Variants in SLC30A4 observed in about 807,000 individuals in gnomAD.
SLC30A4 encodes the protein probable proton-coupled zinc antiporter SLC30A4.
Under a neutral mutation model 41.7 loss-of-function variants are expected in SLC30A4, and 20 were observed. The ratio of observed to expected loss-of-function variants is 0.48; its 90% confidence interval spans 0.34 to 0.70. The LOEUF is 0.70. SLC30A4 is among the 30% of genes least tolerant of loss of function. The probability of loss-of-function intolerance (pLI) is 0.01; values close to 1 mark genes in which losing one functional copy is unlikely to be tolerated. For missense variants in SLC30A4, 441 were observed against 529.3 expected, an observed-to-expected ratio of 0.83 and a Z score of 1.64; for synonymous variants, 181 against 195.9, an observed-to-expected ratio of 0.92 and a Z score of 0.64.
intron 3 of SLC30A4, among the ~76,000 whole-genome samples, chr15:45,504,334 T>C (rs549443682): frequency 6.6e-6 from 1 of 152,342 alleles, no homozygotes; most frequent in East Asian, 1.9e-4. Flanking sequence ...TTCAAAACTA[T>C]TCATAAGCAA....
At chr15:45,509,370 C>T (rs1270289735) in intron 3 of SLC30A4, among the ~76,000 whole-genome samples, 2 of 151,736 alleles carry the variant, frequency 1.3e-5, no homozygotes, top group Non-Finnish European at 2.9e-5. Flanking sequence ...TCTTCTGCCT[C>T]AGCTTCCTGA....
chr15:45,512,794 T>C (rs1329204586), intron 2 of SLC30A4, among the ~76,000 whole-genome samples: 9 of 152,200 alleles, frequency 5.9e-5, no homozygotes, highest in African/African-American at 1.7e-4. Context: ...TGTCCAATGG[T>C]GTAGCCACTA....
chr15:45,510,970 G>T (rs1892274697), intron 3 of SLC30A4, among the ~76,000 whole-genome samples, 168 bp downstream of exon 3: 1 of 152,146 alleles, frequency 6.6e-6, no homozygotes, highest in South Asian at 2.1e-4. Flanking sequence ...TAGCTGACTA[G>T]GCTAAATGTA....
chr15:45,501,794 C>T (rs1892039896), intron 3 of SLC30A4, among the ~76,000 whole-genome samples: 2 of 152,134 alleles, frequency 1.3e-5, no homozygotes, highest in African/African-American at 4.8e-5. Flanking sequence ...AGTGAGCCAC[C>T]ACACCTATCC....
intron 3 of SLC30A4, among the ~76,000 whole-genome samples, chr15:45,505,222 A>C (rs1251063823): frequency 6.0e-5 from 9 of 149,706 alleles, no homozygotes; most frequent in Non-Finnish European, 5.9e-5. Flanking sequence ...CAAGAGCAAA[A>C]CTCCATCTCA....
chr15:45,481,997 G>C lies in SLC30A4; in HGVS notation c.*3166C>G, dbSNP rs1891608166. 7.2e-6 allele frequency: 1 copy of C among 138,562 alleles called. No individual in the cohort carries two copies. The highest frequency in any genetic ancestry group is 2.4e-4 in the South Asian group (1 of 4,238). The allele number at this position is 138,562 out of a possible 1,614,324, so 8.6% of individuals were successfully genotyped here. On this transcript the variant is annotated 3_prime_UTR_variant, in exon 8 of 8. Coordinates refer to ENST00000261867, the MANE Select transcript of SLC30A4 (RefSeq NM_013309.6). ...GCACTTTGGGAGCCCGAGGTGGAAG[G>C]ATTTCTTGAGCCCAGGAGCTCAAGA...
chr15:45,494,888 G>A (rs1197454307), intron 3 of SLC30A4, among the ~76,000 whole-genome samples: 3 of 152,010 alleles, frequency 2.0e-5, no homozygotes, highest in African/African-American at 7.2e-5. Flanking sequence ...AAAGCACGTG[G>A]TGGCTCACAC....
chr15:45,496,816 T>C (rs1891914639), intron 3 of SLC30A4, among the ~76,000 whole-genome samples: 1 of 150,360 alleles, frequency 6.7e-6, no homozygotes, highest in South Asian at 2.1e-4. Context: ...GGAAACATGG[T>C]GAAATCCCAT....
In SLC30A4 at chr15:45,490,768, T is replaced by C; in HGVS notation, c.652A>G (p.Met218Val). The change falls in exon 4 of 8, where the codon ATG (methionine) becomes GTG (valine). Residue 218 changes from methionine (M) to valine (V), a missense_variant. Transcript: ENST00000261867. ...ACTCCAACAGCTGCGGTGATGAGCA[T>C]TATATCTCCATTTATTTCATAGTTC... The part of the protein sequence containing the change: ...HMNYEINGDI[M>V]LITAAVGVAV... 1 of 1,610,568 alleles carries C rather than the reference T, an allele frequency of 6.2e-7. No homozygotes were observed. Among genetic ancestry groups the C allele is most frequent in the Non-Finnish European group, 8.5e-7 (1 of 1,178,256 alleles).
intron 7 of SLC30A4, among the ~76,000 whole-genome samples, chr15:45,485,841 C>A (rs1029777151): frequency 9.9e-5 from 15 of 151,930 alleles, no homozygotes; most frequent in Admixed American, 3.9e-4. Context: ...CCTCAGCCTC[C>A]CGAGTAGCTG....
chr15:45,487,353 A>C (rs1001299635), intron 6 of SLC30A4, among the ~76,000 whole-genome samples, 174 bp downstream of exon 6: 17 of 152,190 alleles, frequency 1.1e-4, no homozygotes, highest in African/African-American at 3.9e-4. Context: ...AAATGGGTAA[A>C]AGATGGGAGA....
intron 3 of SLC30A4, among the ~76,000 whole-genome samples, chr15:45,500,146 G>A (rs1407479064): frequency 6.6e-6 from 1 of 152,130 alleles, no homozygotes; most frequent in Non-Finnish European, 1.5e-5. Context: ...AGAACGGTAG[G>A]CCATTTTGGA....
chr15:45,511,952 G>C (rs796894221), intron 2 of SLC30A4, among the ~76,000 whole-genome samples: 64 of 152,272 alleles, frequency 4.2e-4, no homozygotes, highest in African/African-American at 1.5e-3. Flanking sequence ...TTACAACAAA[G>C]CTGAAGAAAA....
intron 2 of SLC30A4, among the ~76,000 whole-genome samples, chr15:45,515,036 C>T (rs1892424295): frequency 6.6e-6 from 1 of 151,194 alleles, no homozygotes; most frequent in Non-Finnish European, 1.5e-5. Context: ...TGTGCCACCA[C>T]ACCTTGCTAA....
At position 45,483,299 on chromosome 15, in the gene SLC30A4, C is replaced by T. The variant is rs1261793591; in HGVS notation, c.*1864G>A. Reference sequence around the variant, plus strand: ...TCATCTGCATGCTTATCTAGAATTTCAACTTACAATTTGCCTGGTACATTG... The same window carrying T: ...TCATCTGCATGCTTATCTAGAATTTTAACTTACAATTTGCCTGGTACATTG... On this transcript the variant is annotated 3_prime_UTR_variant, in exon 8 of 8. Coordinates refer to ENST00000261867, the MANE Select transcript of SLC30A4 (RefSeq NM_013309.6). The T allele has an allele frequency of 1.3e-5, 2 of 152,156 alleles. No individual in the cohort carries two copies. Among genetic ancestry groups the T allele is most frequent in the African/African-American group, 4.8e-5 (2 of 41,424 alleles). The allele number at this position is 152,156 out of a possible 1,614,324, so 9.4% of individuals were successfully genotyped here. A position where few individuals can be genotyped will look rare whatever the true frequency, so the allele number is the denominator to read the frequency against.
At chr15:45,516,460 G>A (rs1892479699) in intron 2 of SLC30A4, among the ~76,000 whole-genome samples, 1 of 152,198 alleles carries the variant, frequency 6.6e-6, no homozygotes, top group African/African-American at 2.4e-5. Flanking sequence ...GGTCTACTAA[G>A]TCAGTTAGTT....
At chr15:45,487,102 C>T (rs551724966) in intron 6 of SLC30A4, among the ~76,000 whole-genome samples, 1 of 151,706 alleles carries the variant, frequency 6.6e-6, no homozygotes, top group Non-Finnish European at 1.5e-5. Context: ...TATTTTCATG[C>T]TTACACATAA....
chr15:45,486,657 C>T lies in SLC30A4; in HGVS notation c.1089G>A (p.Trp363Ter). The change falls in exon 7 of 8, where the codon TGG (tryptophan) becomes TGA (stop). Residue 363 changes from tryptophan to a stop codon, truncating the protein, a stop_gained. Transcript: ENST00000261867. LOFTEE classifies it high-confidence loss of function. ...DVYSVEDLNI[W>*]SLTSGKSTAI... ...CAGTAGATTTTCCTGAAGTGAGAGACCAGATATTTAAATCTTCGACTGAAT... is the reference window on the plus strand; with the variant it reads ...CAGTAGATTTTCCTGAAGTGAGAGATCAGATATTTAAATCTTCGACTGAAT... 1 of 1,605,260 alleles carries T rather than the reference C, an allele frequency of 6.2e-7. No homozygotes were observed.
chr15:45,487,961 GT>G (rs1891739364), intron 5 of SLC30A4, among the ~76,000 whole-genome samples: 1 of 2,772 alleles, frequency 3.6e-4, no homozygotes, highest in Non-Finnish European at 5.0e-4. Flanking sequence ...CTGGAAAAAA[GT>G]GTGTGTGTGT....
Sources: allele counts gnomAD v4.1 joint callset (sites outside exome capture counted in the v4.1 genomes callset), GRCh38; gene constraint gnomAD v4.1.1; transcripts MANE v1.5; gene names NCBI Gene and HGNC (gene_info 2026-07-23, HGNC 2026-07-21).